The following DOK6 variants were observed in gnomAD, a reference collection of about 807,000 sequenced individuals.
DOK6 encodes the protein docking protein 6.
DOK6 carries 22 observed loss-of-function variants against 44.0 expected under a neutral mutation model. That is an observed-to-expected ratio of 0.50 (90% CI 0.36 to 0.71). DOK6 has a LOEUF of 0.71. Among genes scored for constraint, DOK6 ranks in the 30% least tolerant of loss-of-function variants. The probability of loss-of-function intolerance (pLI) is 0.00; values close to 1 mark genes in which losing one functional copy is unlikely to be tolerated. For missense variants in DOK6, 340 were observed against 416.4 expected, an observed-to-expected ratio of 0.82 and a Z score of 1.60; for synonymous variants, 166 against 145.5, an observed-to-expected ratio of 1.14 and a Z score of -1.01.
At chr18:69,484,640 T>G (rs1277683023) in intron 1 of DOK6, among the ~76,000 whole-genome samples, 1 of 152,134 alleles carries the variant, frequency 6.6e-6, no homozygotes, top group Non-Finnish European at 1.5e-5. Flanking sequence ...TTGTTTTGAG[T>G]GTGTTTCTAT....
At chr18:69,500,017 A>T (rs941944963) in intron 1 of DOK6, among the ~76,000 whole-genome samples, 2 of 152,160 alleles carry the variant, frequency 1.3e-5, no homozygotes, top group African/African-American at 4.8e-5. Context: ...GGATAATATT[A>T]GTACCAATCT....
intron 1 of DOK6, among the ~76,000 whole-genome samples, chr18:69,492,526 A>G (rs768226254): frequency 6.6e-5 from 10 of 152,078 alleles, no homozygotes; most frequent in Non-Finnish European, 1.2e-4. Flanking sequence ...TTACTTTGTC[A>G]TTCAGATAAT....
intron 7 of DOK6, among the ~76,000 whole-genome samples, chr18:69,838,179 A>C (rs1019055087): frequency 6.6e-6 from 1 of 151,856 alleles, no homozygotes; most frequent in Non-Finnish European, 1.5e-5. Context: ...TCAGCCCACA[A>C]GTAGTGTGAA....
intron 1 of DOK6, among the ~76,000 whole-genome samples, chr18:69,522,488 A>G (rs1337926844): frequency 1.3e-5 from 2 of 152,064 alleles, no homozygotes; most frequent in Non-Finnish European, 2.9e-5. Flanking sequence ...AAATCTATGC[A>G]TATGGAGTCT....
At position 69,813,165 on chromosome 18, in the gene DOK6, C is replaced by T. The variant is rs560693801; in HGVS notation, c.857-28079C>T. ...CTGACAAGGGCACTACTTTATTTTA[C>T]AGATGAGGAAACTCAAGCCCAAGAG... On this transcript the variant is annotated intron_variant, in intron 7 of 7. Coordinates refer to ENST00000382713, the MANE Select transcript of DOK6 (RefSeq NM_152721.6). 3.9e-5 allele frequency among the ~76,000 whole-genome samples: 6 copies of T among 152,218 alleles called. No individual in the cohort carries two copies. The East Asian group carries it at 1.2e-3, about 29-fold the overall frequency.
At chr18:69,699,996 G>A (rs1986477231) in intron 5 of DOK6, among the ~76,000 whole-genome samples, 1 of 151,974 alleles carries the variant, frequency 6.6e-6, no homozygotes, top group Non-Finnish European at 1.5e-5. Context: ...CGAGAGAAGA[G>A]AATGAAGCCA....
At chr18:69,409,805 C>G (rs116725109) in intron 1 of DOK6, among the ~76,000 whole-genome samples, 8,579 of 152,284 alleles carry the variant, frequency 0.056, 275 homozygotes, top group Middle Eastern at 0.12. Flanking sequence ...AATTTTCTCA[C>G]ATGCTATGCA....
At chr18:69,477,337 G>A (rs1980295128) in intron 1 of DOK6, among the ~76,000 whole-genome samples, 1 of 152,190 alleles carries the variant, frequency 6.6e-6, no homozygotes, top group Non-Finnish European at 1.5e-5. Context: ...TGGTAGTAGG[G>A]TGTACCTGGG....
intron 4 of DOK6, among the ~76,000 whole-genome samples, chr18:69,689,543 T>C (rs1986220803): frequency 6.6e-6 from 1 of 152,218 alleles, no homozygotes; most frequent in Admixed American, 6.5e-5. Flanking sequence ...ACTCGCTCTA[T>C]ATGTATTTTG....
intron 1 of DOK6, among the ~76,000 whole-genome samples, chr18:69,472,608 G>A (rs903108528): frequency 4.6e-5 from 7 of 152,056 alleles, no homozygotes; most frequent in African/African-American, 1.7e-4. Flanking sequence ...ACTATTTCTA[G>A]AATCTTTTTA....
chr18:69,422,803 T>A lies in DOK6; in HGVS notation c.66+21493T>A, dbSNP rs1599123641. On this transcript the variant is annotated intron_variant, in intron 1 of 7. Coordinates refer to ENST00000382713, the MANE Select transcript of DOK6 (RefSeq NM_152721.6). Reference sequence around the variant, plus strand: ...TGAAACATAATTATTCCTCTTAAAATTTCCCATGCTTTTTCATTACCTAGA... The same window carrying A: ...TGAAACATAATTATTCCTCTTAAAAATTCCCATGCTTTTTCATTACCTAGA... Among the ~76,000 whole-genome samples, 4 of 152,312 alleles carry A rather than the reference T, an allele frequency of 2.6e-5. No homozygotes were observed. In the South Asian group the frequency reaches 8.3e-4, roughly 32 times the overall value.
intron 5 of DOK6, among the ~76,000 whole-genome samples, chr18:69,732,849 T>G (rs771723970): frequency 1.3e-5 from 2 of 152,194 alleles, no homozygotes; most frequent in Admixed American, 6.5e-5. Context: ...AAGATTTCCT[T>G]GTAGGCATGT....
At chr18:69,488,445 G>C (rs1980644599) in intron 1 of DOK6, among the ~76,000 whole-genome samples, 1 of 152,122 alleles carries the variant, frequency 6.6e-6, no homozygotes, top group African/African-American at 2.4e-5. Context: ...TAGTGCTGCT[G>C]CCTCAACGTT....
chr18:69,422,273 G>T (rs1978515080), intron 1 of DOK6, among the ~76,000 whole-genome samples: 1 of 152,064 alleles, frequency 6.6e-6, no homozygotes. Flanking sequence ...AATTCCTCAA[G>T]TCCTGAGCCC....
chr18:69,801,311 A>C (rs893812375), intron 7 of DOK6, among the ~76,000 whole-genome samples: 2 of 152,178 alleles, frequency 1.3e-5, no homozygotes, highest in Admixed American at 1.3e-4. Context: ...ATTGTCAGGC[A>C]TCTAGGTTGT....
intron 1 of DOK6, among the ~76,000 whole-genome samples, chr18:69,410,314 G>T (rs1978300643): frequency 6.6e-6 from 1 of 152,206 alleles, no homozygotes; most frequent in South Asian, 2.1e-4. Context: ...GAATTGGCCT[G>T]CCTGGAGTTG....
chr18:69,533,351 T>A (rs907433931), intron 1 of DOK6, among the ~76,000 whole-genome samples: 12 of 152,150 alleles, frequency 7.9e-5, no homozygotes, highest in Admixed American at 6.6e-4. Flanking sequence ...CCCCAAAAAA[T>A]TATTTTTAGT....
chr18:69,423,456 T>C (rs1978552031), intron 1 of DOK6, among the ~76,000 whole-genome samples: 1 of 152,222 alleles, frequency 6.6e-6, no homozygotes, highest in African/African-American at 2.4e-5. Flanking sequence ...CGTTGTATTG[T>C]CCTCTACTAC....
At chr18:69,657,763 T>C (rs1985406280) in intron 3 of DOK6, among the ~76,000 whole-genome samples, 1 of 152,168 alleles carries the variant, frequency 6.6e-6, no homozygotes, top group Non-Finnish European at 1.5e-5. Context: ...GTGAACTTGA[T>C]AGGAGATTTT....
Sources: gnomAD v4.1 joint callset for allele counts (sites outside exome capture counted in the v4.1 genomes callset) on GRCh38, gnomAD v4.1.1 for gene constraint, MANE v1.5 for transcripts, NCBI Gene and HGNC (gene_info 2026-07-23, HGNC 2026-07-21) for gene names.